Variants in KCNIP4 observed in about 807,000 individuals in gnomAD.
KCNIP4 encodes potassium voltage-gated channel interacting protein 4, also known as Kv channel-interacting protein 4.
In KCNIP4, 12 loss-of-function variants were observed where a neutral mutation model predicts 34.0. That is an observed-to-expected ratio of 0.35 (90% CI 0.23 to 0.57). The LOEUF is 0.57. KCNIP4 is among the 20% of genes least tolerant of loss of function. The pLI, the probability that KCNIP4 is intolerant of heterozygous loss-of-function variation, is 0.83. For missense variants in KCNIP4, 238 were observed against 311.7 expected, an observed-to-expected ratio of 0.76 and a Z score of 1.78; for synonymous variants, 124 against 102.2, an observed-to-expected ratio of 1.21 and a Z score of -1.29.
At chr4:21,921,162 T>G (rs1246743786) in intron 1 of KCNIP4, among the ~76,000 whole-genome samples, 1 of 152,156 alleles carries the variant, frequency 6.6e-6, no homozygotes, top group African/African-American at 2.4e-5. Flanking sequence ...CCTAACTAAT[T>G]AAGATTCTCA....
At chr4:21,551,398 T>C (rs559920816) in intron 1 of KCNIP4, among the ~76,000 whole-genome samples, 1 of 152,246 alleles carries the variant, frequency 6.6e-6, no homozygotes, top group East Asian at 1.9e-4. Context: ...GCCAAATCTA[T>C]AGCCAGTCTC....
At chr4:21,056,261 T>G (rs1485423842) in intron 1 of KCNIP4, among the ~76,000 whole-genome samples, 1 of 152,164 alleles carries the variant, frequency 6.6e-6, no homozygotes, top group Non-Finnish European at 1.5e-5. Context: ...TGAACTATTC[T>G]GTATCTACAA....
At chr4:20,928,978 C>T (rs1286502669) in intron 1 of KCNIP4, among the ~76,000 whole-genome samples, 5 of 151,752 alleles carry the variant, frequency 3.3e-5, no homozygotes, top group Non-Finnish European at 7.4e-5. Flanking sequence ...GAAGTATTAC[C>T]AATATTTAAA....
intron 1 of KCNIP4, among the ~76,000 whole-genome samples, chr4:21,435,624 T>C (rs1341729681): frequency 6.6e-6 from 1 of 152,194 alleles, no homozygotes; most frequent in South Asian, 2.1e-4. Context: ...TAGAAGTTAA[T>C]TGAGGACTGA....
intron 1 of KCNIP4, chr4:21,719,079 T>C (rs954919056): frequency 6.6e-6 from 1 of 152,178 alleles, no homozygotes; most frequent in Non-Finnish European, 1.5e-5. Flanking sequence ...TAACAAGTGA[T>C]CATTGAAGTA....
At chr4:20,887,930 CAA>C (rs1191316326) in intron 1 of KCNIP4, among the ~76,000 whole-genome samples, 1 of 151,730 alleles carries the variant, frequency 6.6e-6, no homozygotes. Context: ...AAATTTCTGA[CAA>C]TAATAACATG....
At chr4:20,890,538 AATTT>A (rs1480226730) in intron 1 of KCNIP4, among the ~76,000 whole-genome samples, 1 of 152,154 alleles carries the variant, frequency 6.6e-6, no homozygotes. Flanking sequence ...ATCACTTATT[AATTT>A]ATTAAGTTAA....
At chr4:21,589,962 T>C (rs1027286553) in intron 1 of KCNIP4, among the ~76,000 whole-genome samples, 1 of 151,992 alleles carries the variant, frequency 6.6e-6, no homozygotes, top group African/African-American at 2.4e-5. Flanking sequence ...TTAGTGATGA[T>C]GCCATGTAAA....
intron 1 of KCNIP4, among the ~76,000 whole-genome samples, chr4:21,043,787 G>T (rs945537522): frequency 6.6e-6 from 1 of 152,078 alleles, no homozygotes; most frequent in African/African-American, 2.4e-5. Context: ...CAAATGCTTT[G>T]CATCCATTAT....
intron 1 of KCNIP4, among the ~76,000 whole-genome samples, chr4:21,713,489 T>C (rs1713905183): frequency 6.6e-6 from 1 of 152,224 alleles, no homozygotes; most frequent in East Asian, 1.9e-4. Flanking sequence ...ATAATAGTTG[T>C]ATATTTTTAT....
intron 1 of KCNIP4, among the ~76,000 whole-genome samples, chr4:21,378,293 T>C (rs1330611803): frequency 6.6e-6 from 1 of 152,348 alleles, no homozygotes; most frequent in Non-Finnish European, 1.5e-5. Context: ...GTTAGCACTA[T>C]CTTTTAATAT....
At chr4:21,608,635 G>T (rs1476160571) in intron 1 of KCNIP4, among the ~76,000 whole-genome samples, 1 of 152,122 alleles carries the variant, frequency 6.6e-6, no homozygotes, top group Non-Finnish European at 1.5e-5. Context: ...TATCACATCT[G>T]CCAGGTCTTT....
At chr4:21,841,589 A>C (rs1337067258) in intron 1 of KCNIP4, among the ~76,000 whole-genome samples, 1 of 152,182 alleles carries the variant, frequency 6.6e-6, no homozygotes, top group East Asian at 1.9e-4. Flanking sequence ...AAAGATTTTA[A>C]GATGACTGTC....
intron 1 of KCNIP4, among the ~76,000 whole-genome samples, chr4:21,266,986 T>C (rs981200383): frequency 3.3e-5 from 5 of 152,208 alleles, no homozygotes; most frequent in African/African-American, 4.8e-5. Flanking sequence ...TCAGTTTCCT[T>C]ATCTGTAAAA....
intron 1 of KCNIP4, among the ~76,000 whole-genome samples, chr4:21,194,782 C>A (rs1755938334): frequency 6.6e-6 from 1 of 152,178 alleles, no homozygotes; most frequent in Non-Finnish European, 1.5e-5. Flanking sequence ...AGCCCAGGTT[C>A]CTGAATGATA....
chr4:21,577,708 G>T (rs568249542), intron 1 of KCNIP4, among the ~76,000 whole-genome samples: 1 of 151,962 alleles, frequency 6.6e-6, no homozygotes, highest in South Asian at 2.1e-4. Context: ...CCTCTATGCC[G>T]TTGCACACTC....
At chr4:20,927,038 G>A (rs1729973990) in intron 1 of KCNIP4, among the ~76,000 whole-genome samples, 1 of 152,126 alleles carries the variant, frequency 6.6e-6, no homozygotes, top group Non-Finnish European at 1.5e-5. Context: ...TGGAGTGCAG[G>A]TGTGATCTCG....
intron 1 of KCNIP4, among the ~76,000 whole-genome samples, chr4:21,203,577 T>G (rs1268919486): frequency 6.6e-6 from 1 of 152,188 alleles, no homozygotes; most frequent in Non-Finnish European, 1.5e-5. Flanking sequence ...TGAACCTGCA[T>G]GTTACCACTA....
At chr4:21,263,222 A>C (rs2109110704) in intron 1 of KCNIP4, among the ~76,000 whole-genome samples, 1 of 152,338 alleles carries the variant, frequency 6.6e-6, no homozygotes, top group South Asian at 2.1e-4. Context: ...GGCAGCACTA[A>C]GGTAGAGACA....
Sources: allele counts gnomAD v4.1 joint callset (sites outside exome capture counted in the v4.1 genomes callset), GRCh38; gene constraint gnomAD v4.1.1; transcripts MANE v1.5; gene names NCBI Gene and HGNC (gene_info 2026-07-23, HGNC 2026-07-21).